LRRC41: variants seen among roughly 807,000 people sequenced by gnomAD.
LRRC41 encodes the protein leucine-rich repeat-containing protein 41.
A neutral mutation model predicts 72.1 loss-of-function variants in LRRC41; 17 were observed. The ratio of observed to expected loss-of-function variants is 0.24; its 90% CI spans 0.16 to 0.35. The LOEUF is 0.35. Ranked by LOEUF, LRRC41 falls within the 10% of genes least tolerant of loss-of-function variation. LRRC41 has a pLI of 1.00. For synonymous variants in LRRC41, 427 were observed against 431.0 expected (o/e 0.99, Z 0.11); for missense variants, 759 against 1,065.0 (o/e 0.71, Z 4.00).
chr1:46,278,256 C>A lies in LRRC41; in HGVS notation c.*609G>T. 1.9e-6 allele frequency: 3 copies of A among 1,613,602 alleles called. No individual in the cohort carries two copies. The highest frequency in any genetic ancestry group is 2.5e-6 in the Non-Finnish European group (3 of 1,179,882). ...CACCTTCGTCTTCCACCAGCGTTCTCATGAGGAGCAGCGGGGCCTCCGCTG... is the reference window on the plus strand; with the variant it reads ...CACCTTCGTCTTCCACCAGCGTTCTAATGAGGAGCAGCGGGGCCTCCGCTG... On this transcript the variant is annotated 3_prime_UTR_variant, in exon 10 of 10. Transcript: ENST00000617190.
rs945172150 is a variant in LRRC41 at position 46,285,284 on chromosome 1, C to T, written c.1495+78G>A. The T allele has an allele frequency of 6.6e-7, 1 of 1,506,752 alleles. No homozygotes were observed. Among genetic ancestry groups the T allele is most frequent in the Non-Finnish European group, 9.1e-7 (1 of 1,102,916 alleles). 93.3% of individuals were successfully genotyped at this position (1,506,752 alleles called of 1,614,324 possible). On this transcript the variant is annotated intron_variant, in intron 4 of 9. Transcript: ENST00000617190. The surrounding 1 kb of genome is among the most constrained non-coding windows in gnomAD (Gnocchi z 5.3). ...TGATCATACCCCCAATTTGCCCCTC[C>T]CACCTCCCTAGAATTAGGCACACAG... is the stretch of plus-strand genomic sequence containing the variant.
Position 46,302,015 on chromosome 1 carries a change from A to G in LRRC41, c.199+1109T>C, listed in dbSNP as rs1001034237. The G allele has an allele frequency of 2.8e-5, 28 of 985,238 alleles. No homozygotes were observed. In the Admixed American group the frequency reaches 1.7e-3, roughly 58 times the overall value. The allele number at this position is 985,238 out of a possible 1,614,324, so 61.0% of individuals were successfully genotyped here. Reference sequence around the variant, plus strand: ...TTTCACTTGCCCCACGTCGGACCCAAGTTTCCCTCGTCAGCGGCCAGGCCG... The same window carrying G: ...TTTCACTTGCCCCACGTCGGACCCAGGTTTCCCTCGTCAGCGGCCAGGCCG... On this transcript the variant is annotated intron_variant, in intron 1 of 9. Transcript: ENST00000617190. The surrounding 1 kb of genome is among the most constrained non-coding windows in gnomAD (Gnocchi z 4.7).
intron 4 of LRRC41, among the ~76,000 whole-genome samples, chr1:46,282,711 A>G (rs1569638221): frequency 6.6e-6 from 1 of 152,108 alleles, no homozygotes; most frequent in South Asian, 2.1e-4. Flanking sequence ...GGCTGGTGTG[A>G]GAGTGTGAAG....
intron 4 of LRRC41, chr1:46,284,550 G>A (rs1271205379): frequency 6.6e-6 from 1 of 152,132 alleles, no homozygotes; most frequent in African/African-American, 2.4e-5. Flanking sequence ...GAAGCTCTAT[G>A]CATCTAGAGC....
chr1:46,283,829 C>A (rs923195592), intron 4 of LRRC41, among the ~76,000 whole-genome samples: 1 of 151,908 alleles, frequency 6.6e-6, no homozygotes, highest in African/African-American at 2.4e-5. Flanking sequence ...TCACGCCTGG[C>A]TAATTTTTGT....
At chr1:46,303,034 C>G (rs528675214) in intron 1 of LRRC41, 90 bp downstream of exon 1, 1 of 1,342,892 alleles carries the variant, frequency 7.4e-7, no homozygotes. Context: ...GGGCCTTGCC[C>G]CGGGCCTCCC....
At position 46,286,620 on chromosome 1, in the gene LRRC41, C is replaced by T; in HGVS notation, c.358-121G>A. On this transcript the variant is annotated intron_variant, in intron 3 of 9. Transcript: ENST00000617190. This position sits in a 1 kb window ranked among gnomAD's most constrained non-coding sequence, Gnocchi z 5.5. The stretch of plus-strand genomic sequence containing the variant: ...CAACACTACAAATTCATTTAATCTT[C>T]ACATCTCTGAGGTATGTATTATTAT... 1 of 948,772 alleles carries T rather than the reference C, an allele frequency of 1.1e-6. No homozygotes were observed. The highest frequency in any genetic ancestry group is 1.5e-6 in the Non-Finnish European group (1 of 646,578). 58.8% of individuals were successfully genotyped at this position (948,772 alleles called of 1,614,324 possible).
chr1:46,302,333 T>G lies in LRRC41; in HGVS notation c.199+791A>C. 1 of 985,272 alleles carries G rather than the reference T, an allele frequency of 1.0e-6. No individual in the cohort carries two copies. Among genetic ancestry groups the G allele is most frequent in the South Asian group, 4.7e-5 (1 of 21,282 alleles). The allele number at this position is 985,272 out of a possible 1,614,324, so 61.0% of individuals were successfully genotyped here. A position where few individuals can be genotyped will look rare whatever the true frequency, so the allele number is the denominator to read the frequency against. The stretch of plus-strand genomic sequence containing the variant: ...GTCATTCGAGCCTCCCTCGCTTGTT[T>G]AAGCCGCTCCGGGCCCCCCTCCACT... On this transcript the variant is annotated intron_variant, in intron 1 of 9. Coordinates refer to ENST00000617190, the MANE Select transcript of LRRC41 (RefSeq NM_006369.5). This position sits in a 1 kb window ranked among gnomAD's most constrained non-coding sequence, Gnocchi z 4.7.
In LRRC41 at chr1:46,278,498, G is replaced by A. The variant is rs1015020528; in HGVS notation, c.*367C>T. ...TTGAGGCCTGAGAGCAGTGTGGTAA[G>A]CCCAGCAGGGAAGAAGCCCCCTATA... On this transcript the variant is annotated 3_prime_UTR_variant, in exon 10 of 10. Transcript: ENST00000617190. The A allele has an allele frequency of 4.0e-5, 26 of 657,204 alleles. 1 individual carries two copies. The East Asian group carries it at 6.8e-4, about 17-fold the overall frequency. 40.7% of individuals were successfully genotyped at this position (657,204 alleles called of 1,614,324 possible). A position where few individuals can be genotyped will look rare whatever the true frequency, so the allele number is the denominator to read the frequency against.
chr1:46,277,626 G>A lies in LRRC41; in HGVS notation c.*1239C>T. The A allele has an allele frequency of 1.5e-6, 1 of 677,120 alleles. No homozygotes were observed. The highest frequency in any genetic ancestry group is 2.5e-6 in the Non-Finnish European group (1 of 397,000). 41.9% of individuals were successfully genotyped at this position (677,120 alleles called of 1,614,324 possible). On this transcript the variant is annotated 3_prime_UTR_variant, in exon 10 of 10. Transcript: ENST00000617190. ...TAGCCTGGGTGGGCAGACTATTCAT[G>A]TCATGTTCTCAGGAGACAGACTGGG... is the stretch of plus-strand genomic sequence containing the variant.
Position 46,303,593 on chromosome 1 carries a change from G to A in LRRC41, c.-271C>T. 3 of 991,726 alleles carry A rather than the reference G, an allele frequency of 3.0e-6. No homozygotes were observed. Among genetic ancestry groups the A allele is most frequent in the Non-Finnish European group, 4.4e-6 (3 of 674,600 alleles). 61.4% of individuals were successfully genotyped at this position (991,726 alleles called of 1,614,324 possible). A position where few individuals can be genotyped will look rare whatever the true frequency, so the allele number is the denominator to read the frequency against. ...CATCAGCTACCCCTAACCTCTGCCT[G>A]CGGCTGGTAGTACATGCCAATCTGA... On this transcript the variant is annotated 5_prime_UTR_variant, in exon 1 of 10. The change creates a premature stop within an existing upstream ORF in the 5' untranslated region. Coordinates refer to ENST00000617190, the MANE Select transcript of LRRC41 (RefSeq NM_006369.5).
At chr1:46,281,445 T>G (rs1412423649) in intron 4 of LRRC41, 60 bp from the exon 5 acceptor site, 1 of 1,521,274 alleles carries the variant, frequency 6.6e-7, no homozygotes, top group Non-Finnish European at 9.0e-7. Context: ...GGTAATATAT[T>G]CAAATACAAC....
In LRRC41 at chr1:46,278,147, G is replaced by C. The variant is rs780227554; in HGVS notation, c.*718C>G. ...ATGGTTCTGACTGCACTTCAGACCT[G>C]GCAGGGTGGAACCACTGCACTGATA... On this transcript the variant is annotated 3_prime_UTR_variant, in exon 10 of 10. Coordinates refer to ENST00000617190, the MANE Select transcript of LRRC41 (RefSeq NM_006369.5). The C allele has an allele frequency of 3.7e-6, 6 of 1,613,660 alleles. No individual in the cohort carries two copies. The highest frequency in any genetic ancestry group is 1.3e-5 in the African/African-American group (1 of 74,924).
chr1:46,279,453 G>A lies in LRRC41; in HGVS notation c.2143+39C>T, dbSNP rs371398847. On this transcript the variant is annotated intron_variant, in intron 8 of 9. Coordinates refer to ENST00000617190, the MANE Select transcript of LRRC41 (RefSeq NM_006369.5). The surrounding 1 kb of genome is among the most constrained non-coding windows in gnomAD (Gnocchi z 4.5). ...AGTGAGTTTTTAGGTCAAAGGCCTA[G>A]CTCCTTTCCCCTCTCCCTCCCCAGG... 3 of 1,614,008 alleles carry A rather than the reference G, an allele frequency of 1.9e-6. No individual in the cohort carries two copies. The highest frequency in any genetic ancestry group is 2.5e-6 in the Non-Finnish European group (3 of 1,179,980).
At position 46,278,335 on chromosome 1, in the gene LRRC41, C is replaced by T; in HGVS notation, c.*530G>A. 6.5e-7 allele frequency: 1 copy of T among 1,530,036 alleles called. No homozygotes were observed. Among genetic ancestry groups the T allele is most frequent in the Non-Finnish European group, 8.9e-7 (1 of 1,124,430 alleles). 94.8% of individuals were successfully genotyped at this position (1,530,036 alleles called of 1,614,324 possible). On this transcript the variant is annotated 3_prime_UTR_variant, in exon 10 of 10. Transcript: ENST00000617190. ...AGAGGAAGGAGATAGGGAAAAGGGG[C>T]TCCTTGCTCCACAGGGCCCTGTTGA...
Position 46,303,504 on chromosome 1 carries a change from CA to C in LRRC41, c.-183del, listed in dbSNP as rs1661294738. 1 of 744,880 alleles carries C rather than the reference CA, an allele frequency of 1.3e-6. No individual in the cohort carries two copies. The allele number at this position is 744,880 out of a possible 1,614,324, so 46.1% of individuals were successfully genotyped here. The stretch of plus-strand genomic sequence containing the variant: ...TACTATTTTAGATAAACTCCTAGAT[CA>C]ATTATACTTGGGTGTGGTATGACTA... On this transcript the variant is annotated 5_prime_UTR_variant, in exon 1 of 10. The change creates a new upstream start codon in the 5' untranslated region. Transcript: ENST00000617190.
Position 46,302,750 on chromosome 1 carries a change from C to T in LRRC41, c.199+374G>A. 5 of 985,266 alleles carry T rather than the reference C, an allele frequency of 5.1e-6. No individual in the cohort carries two copies. The highest frequency in any genetic ancestry group is 6.0e-6 in the Non-Finnish European group (5 of 829,856). 61.0% of individuals were successfully genotyped at this position (985,266 alleles called of 1,614,324 possible). On this transcript the variant is annotated intron_variant, in intron 1 of 9. Coordinates refer to ENST00000617190, the MANE Select transcript of LRRC41 (RefSeq NM_006369.5). This position sits in a 1 kb window ranked among gnomAD's most constrained non-coding sequence, Gnocchi z 4.7. ...GGCCCCTGCCCTAGGGCAGCCGGGC[C>T]ATCGCTGCCCACCGGTTCGACATCC... is the stretch of plus-strand genomic sequence containing the variant.
In LRRC41 at chr1:46,285,289, TC is replaced by T. The variant is rs1660862029; in HGVS notation, c.1495+72del. The T allele has an allele frequency of 3.3e-6, 5 of 1,525,916 alleles. No homozygotes were observed. The African/African-American group carries it at 6.9e-5, about 21-fold the overall frequency. The allele number at this position is 1,525,916 out of a possible 1,614,324, so 94.5% of individuals were successfully genotyped here. A position where few individuals can be genotyped will look rare whatever the true frequency, so the allele number is the denominator to read the frequency against. ...ATACCCCCAATTTGCCCCTCCCACCTCCCTAGAATTAGGCACACAGCTGGTG... is the reference window on the plus strand; with the variant it reads ...ATACCCCCAATTTGCCCCTCCCACCTCCTAGAATTAGGCACACAGCTGGTG... On this transcript the variant is annotated intron_variant, in intron 4 of 9. Transcript: ENST00000617190. This position sits in a 1 kb window ranked among gnomAD's most constrained non-coding sequence, Gnocchi z 5.3.
chr1:46,303,393 G>A lies in LRRC41; in HGVS notation c.-71C>T, dbSNP rs945872355. On this transcript the variant is annotated 5_prime_UTR_variant, in exon 1 of 10. Coordinates refer to ENST00000617190, the MANE Select transcript of LRRC41 (RefSeq NM_006369.5). ...TCTTGAAAAGGTCAGCAGTTAGGACGGCTCCATAAGCGATATGGGGAAGAA... is the reference window on the plus strand; with the variant it reads ...TCTTGAAAAGGTCAGCAGTTAGGACAGCTCCATAAGCGATATGGGGAAGAA... 3 of 1,338,642 alleles carry A rather than the reference G, an allele frequency of 2.2e-6. No homozygotes were observed. The highest frequency in any genetic ancestry group is 2.6e-5 in the East Asian group (1 of 38,160). 82.9% of individuals were successfully genotyped at this position (1,338,642 alleles called of 1,614,324 possible).
Sources: gnomAD v4.1 joint callset for allele counts (sites outside exome capture counted in the v4.1 genomes callset) on GRCh38, gnomAD v4.1.1 for gene constraint, Gnocchi (gnomAD v3.1) non-coding constraint, MANE v1.5 for transcripts, NCBI Gene and HGNC (gene_info 2026-07-23, HGNC 2026-07-21) for gene names.